Variants in DNAJA2 observed in about 807,000 individuals in gnomAD.
DNAJA2 encodes dnaJ homolog subfamily A member 2.
In DNAJA2, 6 loss-of-function variants were observed where a neutral mutation model predicts 49.3. That is an observed-to-expected ratio of 0.12 (90% CI 0.07 to 0.24). The LOEUF is 0.24. Among genes scored for constraint, DNAJA2 ranks in the 10% least tolerant of loss-of-function variants. DNAJA2 has a pLI of 1.00. For synonymous variants in DNAJA2, 160 were observed against 172.7 expected (o/e 0.93, Z 0.58); for missense variants, 347 against 516.8 (o/e 0.67, Z 3.19).
chr16:46,973,087 G>A (rs1423930215), intron 1 of DNAJA2: 1 of 152,196 alleles, frequency 6.6e-6, no homozygotes, highest in African/African-American at 2.4e-5. Flanking sequence ...GGGGCGGACA[G>A]CTTCTCTCTC....
At chr16:46,965,857 A>T (rs959792292) in intron 5 of DNAJA2, among the ~76,000 whole-genome samples, 2 of 151,970 alleles carry the variant, frequency 1.3e-5, no homozygotes, top group Non-Finnish European at 2.9e-5. Flanking sequence ...AAGAAAAAAG[A>T]AAAATGTAAT....
rs1555489501 is a variant in DNAJA2, at chr16:46,973,653, G to A, written c.-81C>T. ...CGGGCCCACAAGCGGCGTCGGCGGC[G>A]GCACAGGCCGAGGGAGACAGCGAGG... On this transcript the variant is annotated 5_prime_UTR_variant, in exon 1 of 9. Coordinates refer to ENST00000317089, the MANE Select transcript of DNAJA2 (RefSeq NM_005880.4). 5 of 1,456,070 alleles carry A rather than the reference G, an allele frequency of 3.4e-6. No homozygotes were observed. The Admixed American group carries it at 5.7e-5, about 17-fold the overall frequency. The allele number at this position is 1,456,070 out of a possible 1,614,324, so 90.2% of individuals were successfully genotyped here.
chr16:46,958,218 T>C (rs1402502742), intron 8 of DNAJA2, among the ~76,000 whole-genome samples: 2 of 151,804 alleles, frequency 1.3e-5, no homozygotes, highest in Non-Finnish European at 2.9e-5. Context: ...ATCATGCCAC[T>C]GCACGCCAGC....
At chr16:46,958,765 T>C in intron 8 of DNAJA2, 1 of 395,810 alleles carries the variant, frequency 2.5e-6, no homozygotes, top group Non-Finnish European at 4.5e-6. Flanking sequence ...GGTGACACAG[T>C]GAGACTGTGT....
In DNAJA2 at chr16:46,959,367, A is replaced by G. The variant is rs754505395; in HGVS notation, c.827T>C (p.Val276Ala). The change falls in exon 7 of 9, where the codon GTT (valine) becomes GCT (alanine). Residue 276 changes from valine to alanine, a missense_variant. Coordinates refer to ENST00000317089, the MANE Select transcript of DNAJA2 (RefSeq NM_005880.4). The stretch of plus-strand genomic sequence containing the variant: ...GAACTGAAATCCACATAGAGCTTCA[A>G]CAAGTCCTATTTTATATGTCATGTG... Reference protein sequence around the residue: ...DLHMTYKIGLVEALCGFQFTF... With the variant: ...DLHMTYKIGLAEALCGFQFTF... 1 of 1,613,760 alleles carries G rather than the reference A, an allele frequency of 6.2e-7. No individual in the cohort carries two copies. Among genetic ancestry groups the G allele is most frequent in the Non-Finnish European group, 8.5e-7 (1 of 1,179,750 alleles).
Position 46,971,662 on chromosome 16 carries a change from A to C in DNAJA2, c.139-90T>G, listed in dbSNP as rs745396853. 9.6e-6 allele frequency: 7 copies of C among 731,116 alleles called. No individual in the cohort carries two copies. The African/African-American group carries it at 2.7e-4, about 28-fold the overall frequency. The allele number at this position is 731,116 out of a possible 1,614,324, so 45.3% of individuals were successfully genotyped here. On this transcript the variant is annotated intron_variant, in intron 2 of 8. Transcript: ENST00000317089. ...AGGAATCCAGAATCCATTTAATTCT[A>C]AAAAAAAAAAAAAAGGGACAAGTTA...
Position 46,964,822 on chromosome 16 carries a change from C to T in DNAJA2, c.578-15G>A. 1 of 1,605,630 alleles carries T rather than the reference C, an allele frequency of 6.2e-7. No homozygotes were observed. The highest frequency in any genetic ancestry group is 8.5e-7 in the Non-Finnish European group (1 of 1,174,410). On this transcript the variant is annotated splice_polypyrimidine_tract_variant and intron_variant, in intron 5 of 8. Coordinates refer to ENST00000317089, the MANE Select transcript of DNAJA2 (RefSeq NM_005880.4). The stretch of plus-strand genomic sequence containing the variant: ...AATTACCTCTCCTGGAAAGAGAAGT[C>T]ATTGAAACTTTCAGCAAGAGTACTA...
intron 1 of DNAJA2, chr16:46,972,546 C>A (rs1962068628): frequency 6.5e-6 from 1 of 153,212 alleles, no homozygotes; most frequent in African/African-American, 2.4e-5. Context: ...GTGTTTGGGT[C>A]CTAAAGCACT....
intron 6 of DNAJA2, among the ~76,000 whole-genome samples, chr16:46,964,273 G>A (rs1040581367): frequency 3.9e-5 from 6 of 152,160 alleles, no homozygotes; most frequent in African/African-American, 1.4e-4. Flanking sequence ...TCGGGAGGCT[G>A]AGGCAGGAGA....
intron 1 of DNAJA2, chr16:46,972,972 G>T (rs561452787): frequency 1.6e-4 from 24 of 152,046 alleles, no homozygotes; most frequent in African/African-American, 5.8e-4. Flanking sequence ...CGGCGGCCGC[G>T]GAACCCAGGA....
chr16:46,971,498 C>G lies in DNAJA2; in HGVS notation c.213G>C (p.Glu71Asp). Residue 71 changes from glutamate to aspartate, a missense_variant, in exon 3 of 9, where the codon GAG becomes GAC. By Grantham distance (45) the Glu-to-Asp change is conservative. Transcript: ENST00000317089. ...EKRELYDRYG[E>D]QGLREGSGGG... Reference sequence around the variant, plus strand: ...CGCCGCTGCCTTCCCGAAGACCTTGCTCTCCGTATCTGTCATATAACTCAC... The same window carrying G: ...CGCCGCTGCCTTCCCGAAGACCTTGGTCTCCGTATCTGTCATATAACTCAC... 1 of 1,613,780 alleles carries G rather than the reference C, an allele frequency of 6.2e-7. No individual in the cohort carries two copies. Among genetic ancestry groups the G allele is most frequent in the Non-Finnish European group, 8.5e-7 (1 of 1,179,898 alleles).
intron 6 of DNAJA2, among the ~76,000 whole-genome samples, chr16:46,963,069 A>G (rs1053768596): frequency 6.6e-6 from 1 of 152,224 alleles, no homozygotes; most frequent in Non-Finnish European, 1.5e-5. Context: ...ATTAAAAAGA[A>G]TAACCTTTCA....
intron 5 of DNAJA2, 106 bp downstream of exon 5, chr16:46,967,407 T>C (rs1961987568): frequency 1.4e-6 from 2 of 1,396,898 alleles, no homozygotes; most frequent in Admixed American, 2.5e-5. Flanking sequence ...TTTTCTTTAA[T>C]AAGATGTATA....
intron 8 of DNAJA2, among the ~76,000 whole-genome samples, chr16:46,958,089 A>G (rs555935238): frequency 6.6e-6 from 1 of 152,326 alleles, no homozygotes; most frequent in East Asian, 1.9e-4. Context: ...CTGCAATCCC[A>G]GAACTTCGGG....
At chr16:46,969,489 A>G (rs898929090) in intron 3 of DNAJA2, among the ~76,000 whole-genome samples, 2 of 152,226 alleles carry the variant, frequency 1.3e-5, no homozygotes, top group Non-Finnish European at 2.9e-5. Context: ...AAAAATACAC[A>G]TCTCAACAAA....
chr16:46,973,428 T>G, intron 1 of DNAJA2, 67 bp downstream of exon 1: 2 of 1,456,930 alleles, frequency 1.4e-6, no homozygotes, highest in South Asian at 1.3e-5. Context: ...GCGGCCTGGC[T>G]GAAGAAGACA....
chr16:46,960,503 A>G (rs1014848287), intron 6 of DNAJA2, among the ~76,000 whole-genome samples: 2 of 152,238 alleles, frequency 1.3e-5, no homozygotes, highest in African/African-American at 4.8e-5. Context: ...TAAGTAGGCC[A>G]GGTGCAGTGG....
At position 46,959,094 on chromosome 16, in the gene DNAJA2, T is replaced by C. The variant is rs768387409; in HGVS notation, c.956A>G (p.Gln319Arg). ...VRVVRGEGMP[Q>R]YRNPFEKGDL... ...ACCTTTTTCAAAGGGATTACGATAC[T>C]GCGGCATCCCTTCACCTCGAACTAC... is the stretch of plus-strand genomic sequence containing the variant. The change falls in exon 8 of 9, where the codon CAG becomes CGG. Residue 319 changes from glutamine to arginine, a missense_variant. By Grantham distance (43) the Gln-to-Arg change is conservative (BLOSUM62 1). Coordinates refer to ENST00000317089, the MANE Select transcript of DNAJA2 (RefSeq NM_005880.4). 6.4e-7 allele frequency: 1 copy of C among 1,567,192 alleles called. No individual in the cohort carries two copies. Among genetic ancestry groups the C allele is most frequent in the South Asian group, 1.1e-5 (1 of 88,250 alleles).
Position 46,973,483 on chromosome 16 carries a change from G to C in DNAJA2, c.78+12C>G, listed in dbSNP as rs1415115737. ...CGCGCCCCTCACACCCGCCCGGCCC[G>C]CTCCCAGATACCTTCTTCAGCTCGT... On this transcript the variant is annotated intron_variant, in intron 1 of 8. Transcript: ENST00000317089. 13 of 1,592,062 alleles carry C rather than the reference G, an allele frequency of 8.2e-6. No homozygotes were observed. The highest frequency in any genetic ancestry group is 1.0e-5 in the Non-Finnish European group (12 of 1,173,272).
Sources: gnomAD v4.1 joint callset for allele counts (sites outside exome capture counted in the v4.1 genomes callset) on GRCh38, gnomAD v4.1.1 for gene constraint, MANE v1.5 for transcripts, NCBI Gene and HGNC (gene_info 2026-07-23, HGNC 2026-07-21) for gene names.